The following SPOCK1 variants were observed in gnomAD, a reference collection of about 807,000 sequenced individuals.
SPOCK1 encodes the protein SPARC (osteonectin), cwcv and kazal like domains proteoglycan 1.
SPOCK1 carries 23 observed loss-of-function variants against 55.3 expected under a neutral mutation model. The observed-to-expected ratio is 0.42, with a 90% CI of 0.30 to 0.59. The LOEUF is 0.59. Among genes scored for constraint, SPOCK1 ranks in the 20% least tolerant of loss-of-function variants. The probability of loss-of-function intolerance (pLI) is 0.22; values close to 1 mark genes in which losing one functional copy is unlikely to be tolerated. For synonymous variants in SPOCK1, 226 were observed against 221.0 expected (o/e 1.02, Z -0.20); for missense variants, 499 against 552.5 (o/e 0.90, Z 0.97).
intron 2 of SPOCK1, among the ~76,000 whole-genome samples, chr5:137,405,298 T>G (rs1752073499): frequency 1.3e-5 from 2 of 152,194 alleles, no homozygotes; most frequent in South Asian, 4.1e-4. Flanking sequence ...TTCATATAAT[T>G]ACTGACAGCT....
intron 5 of SPOCK1, among the ~76,000 whole-genome samples, chr5:137,079,480 CACAGTCCAACAG>C (rs1157577983): frequency 6.6e-6 from 1 of 151,710 alleles, no homozygotes; most frequent in Non-Finnish European, 1.5e-5. Flanking sequence ...TCTGGACTGT[CACAGTCCAACAG>C]ATGGAAAGCT....
intron 2 of SPOCK1, among the ~76,000 whole-genome samples, chr5:137,333,218 G>C (rs115824518): frequency 6.6e-6 from 1 of 152,226 alleles, no homozygotes; most frequent in African/African-American, 2.4e-5. Context: ...AATTTGAGAG[G>C]ACTAGGAAGC....
At chr5:137,071,190 C>T (rs1752606168) in intron 5 of SPOCK1, among the ~76,000 whole-genome samples, 1 of 151,978 alleles carries the variant, frequency 6.6e-6, no homozygotes, top group Non-Finnish European at 1.5e-5. Context: ...GATAGGGTCT[C>T]ACTACATTGC....
At chr5:137,405,127 A>C (rs1374604037) in intron 2 of SPOCK1, among the ~76,000 whole-genome samples, 1 of 152,224 alleles carries the variant, frequency 6.6e-6, no homozygotes, top group Non-Finnish European at 1.5e-5. Context: ...ACCCCACCTA[A>C]GACAAGCTTG....
At chr5:137,246,672 C>T (rs548150678) in intron 3 of SPOCK1, among the ~76,000 whole-genome samples, 27 of 152,308 alleles carry the variant, frequency 1.8e-4, no homozygotes, top group Non-Finnish European at 3.8e-4. Flanking sequence ...GAGGGGTCTT[C>T]ACCCTTGGAA....
intron 3 of SPOCK1, among the ~76,000 whole-genome samples, chr5:137,219,030 T>G (rs969881661): frequency 6.6e-6 from 1 of 152,176 alleles, no homozygotes; most frequent in African/African-American, 2.4e-5. Context: ...AGGAGGCATA[T>G]GAGAAGAAAC....
At chr5:137,237,511 C>T (rs1458765676) in intron 3 of SPOCK1, among the ~76,000 whole-genome samples, 1 of 152,194 alleles carries the variant, frequency 6.6e-6, no homozygotes. Flanking sequence ...GCTTTACTGA[C>T]GTCTCACAAG....
intron 5 of SPOCK1, among the ~76,000 whole-genome samples, chr5:137,092,478 A>G (rs921694949): frequency 6.6e-6 from 1 of 152,128 alleles, no homozygotes; most frequent in Non-Finnish European, 1.5e-5. Context: ...TCTCTTATGT[A>G]ACTCTGTCAT....
At chr5:137,067,981 T>A in intron 5 of SPOCK1, 152 bp from the exon 6 acceptor site, 1 of 586,668 alleles carries the variant, frequency 1.7e-6, no homozygotes, top group East Asian at 2.8e-5. Flanking sequence ...TACAGAATAC[T>A]AAATAAGAAA....
chr5:137,229,200 A>G (rs1756003630), intron 3 of SPOCK1, among the ~76,000 whole-genome samples: 1 of 152,226 alleles, frequency 6.6e-6, no homozygotes, highest in Admixed American at 6.5e-5. Flanking sequence ...CTTTCCATTT[A>G]TAGTTAAGAA....
intron 2 of SPOCK1, among the ~76,000 whole-genome samples, chr5:137,490,718 C>T (rs1431279119): frequency 6.6e-6 from 1 of 152,174 alleles, no homozygotes; most frequent in East Asian, 1.9e-4. Flanking sequence ...GCATACAAAC[C>T]CCCTCCCAGT....
At chr5:137,397,372 T>C (rs1312593249) in intron 2 of SPOCK1, among the ~76,000 whole-genome samples, 1 of 152,212 alleles carries the variant, frequency 6.6e-6, no homozygotes. Context: ...ATCTGGGCTG[T>C]ACATGTGATC....
intron 3 of SPOCK1, among the ~76,000 whole-genome samples, chr5:137,198,837 C>T (rs1234326876): frequency 3.3e-5 from 5 of 152,036 alleles, no homozygotes; most frequent in Non-Finnish European, 7.4e-5. Context: ...ATTACGTGTT[C>T]TAAATTTTTA....
intron 2 of SPOCK1, among the ~76,000 whole-genome samples, chr5:137,390,879 T>C (rs1685919214): frequency 6.6e-6 from 1 of 152,146 alleles, no homozygotes; most frequent in Admixed American, 6.5e-5. Flanking sequence ...CGGGAGTGTG[T>C]ATAAATATAT....
At chr5:137,438,775 G>A (rs974473804) in intron 2 of SPOCK1, among the ~76,000 whole-genome samples, 1 of 152,238 alleles carries the variant, frequency 6.6e-6, no homozygotes, top group Non-Finnish European at 1.5e-5. Context: ...TGGCAGGCAG[G>A]CTGCTGAATT....
chr5:137,301,861 C>G (rs144708014), intron 2 of SPOCK1, among the ~76,000 whole-genome samples: 2 of 152,036 alleles, frequency 1.3e-5, no homozygotes, highest in Non-Finnish European at 2.9e-5. Flanking sequence ...TTTCTCTAAA[C>G]AGTACTGCTT....
chr5:137,194,389 G>A (rs553289323), intron 3 of SPOCK1, among the ~76,000 whole-genome samples: 1 of 152,210 alleles, frequency 6.6e-6, no homozygotes, highest in Non-Finnish European at 1.5e-5. Flanking sequence ...AAAGGGAACA[G>A]CTCGTACAAG....
intron 3 of SPOCK1, among the ~76,000 whole-genome samples, chr5:137,155,765 A>G (rs1413721025): frequency 6.6e-6 from 1 of 152,226 alleles, no homozygotes; most frequent in Non-Finnish European, 1.5e-5. Context: ...TCTCCCTGGC[A>G]TGTTCCTTTC....
chr5:137,494,993 T>C (rs899679987), intron 2 of SPOCK1, among the ~76,000 whole-genome samples: 2 of 152,208 alleles, frequency 1.3e-5, no homozygotes, highest in African/African-American at 4.8e-5. Flanking sequence ...AATACAAAGA[T>C]CTGCTTCTTC....
Sources: allele counts gnomAD v4.1 joint callset (sites outside exome capture counted in the v4.1 genomes callset), GRCh38; gene constraint gnomAD v4.1.1; transcripts MANE v1.5; gene names NCBI Gene and HGNC (gene_info 2026-07-23, HGNC 2026-07-21).